Variants in ELAVL4 observed in about 807,000 individuals in gnomAD.
ELAVL4 encodes the protein ELAV like RNA binding protein 4.
ELAVL4 carries 1 observed loss-of-function variant against 35.6 expected under a neutral mutation model. The observed-to-expected ratio is 0.03, with a 90% confidence interval of 0.01 to 0.13. The LOEUF (loss-of-function observed/expected upper bound fraction) is 0.13, where lower values mean the gene tolerates loss of function less well. Among genes scored for constraint, ELAVL4 ranks in the 10% least tolerant of loss-of-function variants. ELAVL4 has a pLI of 1.00. For missense variants in ELAVL4, 267 were observed against 464.9 expected (o/e 0.57, Z 3.91); for synonymous variants, 156 against 171.0 (o/e 0.91, Z 0.69).
intron 1 of ELAVL4, among the ~76,000 whole-genome samples, chr1:50,061,684 G>C (rs904583110): frequency 1.3e-5 from 2 of 152,178 alleles, no homozygotes; most frequent in Admixed American, 1.3e-4. Context: ...TGTAGGCCAT[G>C]CTTTTGCTGG....
chr1:50,194,536 T>G (rs771858203), intron 4 of ELAVL4, among the ~76,000 whole-genome samples: 4 of 152,174 alleles, frequency 2.6e-5, no homozygotes, highest in Admixed American at 6.5e-5. Flanking sequence ...TGATTCCAAT[T>G]TAGAACTCAC....
At chr1:50,132,211 A>G (rs892080946) in intron 1 of ELAVL4, among the ~76,000 whole-genome samples, 1 of 152,190 alleles carries the variant, frequency 6.6e-6, no homozygotes, top group Non-Finnish European at 1.5e-5. Flanking sequence ...AAAGCGTGGT[A>G]TGGAATGCCA....
At chr1:50,095,683 A>C (rs144738033) in intron 1 of ELAVL4, among the ~76,000 whole-genome samples, 1 of 152,214 alleles carries the variant, frequency 6.6e-6, no homozygotes, top group Non-Finnish European at 1.5e-5. Context: ...TATGGGCTAC[A>C]ATATCAGCAG....
chr1:50,167,790 C>T (rs1054997849), intron 2 of ELAVL4, among the ~76,000 whole-genome samples: 12 of 152,186 alleles, frequency 7.9e-5, no homozygotes, highest in Non-Finnish European at 1.2e-4. Context: ...GCTGAAGTTA[C>T]CCATTGGTGA....
chr1:50,050,913 T>C (rs1160133360), intron 1 of ELAVL4, among the ~76,000 whole-genome samples: 2 of 152,168 alleles, frequency 1.3e-5, no homozygotes, highest in Non-Finnish European at 2.9e-5. Flanking sequence ...ACCAGGCACA[T>C]GGTAAATACT....
At chr1:50,190,633 T>G (rs1328393528) in intron 3 of ELAVL4, among the ~76,000 whole-genome samples, 1 of 152,206 alleles carries the variant, frequency 6.6e-6, no homozygotes, top group Non-Finnish European at 1.5e-5. Flanking sequence ...TCTCTGGAGA[T>G]GTGTTGCAGT....
chr1:50,116,977 T>G (rs1441996136), intron 1 of ELAVL4, among the ~76,000 whole-genome samples: 1 of 152,128 alleles, frequency 6.6e-6, no homozygotes, highest in Non-Finnish European at 1.5e-5. Context: ...TTATGAATAA[T>G]ATTGGGAAAG....
At chr1:50,122,693 T>C (rs1225097235) in intron 1 of ELAVL4, among the ~76,000 whole-genome samples, 1 of 152,056 alleles carries the variant, frequency 6.6e-6, no homozygotes, top group Non-Finnish European at 1.5e-5. Context: ...ACATTTTCCA[T>C]CTTAGTGTGA....
intron 2 of ELAVL4, among the ~76,000 whole-genome samples, chr1:50,154,781 TG>T (rs1675424130): frequency 6.6e-6 from 1 of 151,872 alleles, no homozygotes; most frequent in African/African-American, 2.4e-5. Flanking sequence ...TGTGTGTGTG[TG>T]TGTTTGTCCT....
chr1:50,202,919 G>A lies in ELAVL4; in HGVS notation c.*1741G>A, dbSNP rs1644442753. On this transcript the variant is annotated 3_prime_UTR_variant, in exon 7 of 7. Transcript: ENST00000371824. ...TCTTTATTTTAATGTAACTCAGATTGGGGAAAACAAAACAGAGCTAAGGGA... is the reference window on the plus strand; with the variant it reads ...TCTTTATTTTAATGTAACTCAGATTAGGGAAAACAAAACAGAGCTAAGGGA... 6.6e-6 allele frequency: 1 copy of A among 152,066 alleles called. No homozygotes were observed. The highest frequency in any genetic ancestry group is 2.4e-5 in the African/African-American group (1 of 41,410). 9.4% of individuals were successfully genotyped at this position (152,066 alleles called of 1,614,324 possible).
At chr1:50,130,046 C>T (rs975936136) in intron 1 of ELAVL4, among the ~76,000 whole-genome samples, 1 of 152,116 alleles carries the variant, frequency 6.6e-6, no homozygotes, top group Non-Finnish European at 1.5e-5. Context: ...GGTGGATTTC[C>T]AACCCAAGTC....
chr1:50,109,016 C>CGGGGGGGGGGGGGGGGGGGGG lies in ELAVL4; in HGVS notation c.-174_-173insGGGGGGGGGGGGGGGGGGGGG. ...CTCCTTTTCTTTTTTTTCTTTCTCT[C>CGGGGGGGGGGGGGGGGGGGGG]CCCCGCCCACCCCCCCAAAAATAAT... On this transcript the variant is annotated 5_prime_UTR_variant, in exon 1 of 7. Transcript: ENST00000371824. 1 of 905,782 alleles carries CGGGGGGGGGGGGGGGGGGGGG rather than the reference C, an allele frequency of 1.1e-6. No homozygotes were observed. Among genetic ancestry groups the CGGGGGGGGGGGGGGGGGGGGG allele is most frequent in the Non-Finnish European group, 1.3e-6 (1 of 761,400 alleles). The allele number at this position is 905,782 out of a possible 1,614,324, so 56.1% of individuals were successfully genotyped here.
chr1:50,053,451 C>A (rs1339752161), intron 1 of ELAVL4, among the ~76,000 whole-genome samples: 2 of 152,166 alleles, frequency 1.3e-5, no homozygotes, highest in Non-Finnish European at 2.9e-5. Flanking sequence ...TGGGCTCAAG[C>A]AATCCTTCAA....
intron 1 of ELAVL4, among the ~76,000 whole-genome samples, chr1:50,142,253 G>A (rs917319308): frequency 3.3e-5 from 5 of 152,186 alleles, no homozygotes; most frequent in African/African-American, 1.2e-4. Flanking sequence ...AGGCTAGAGT[G>A]CAGTGGTGCA....
intron 4 of ELAVL4, among the ~76,000 whole-genome samples, chr1:50,194,788 G>A (rs1448489674): frequency 6.6e-6 from 1 of 152,192 alleles, no homozygotes; most frequent in Non-Finnish European, 1.5e-5. Context: ...GCCCCATTGA[G>A]GAGGCAATGT....
intron 1 of ELAVL4, among the ~76,000 whole-genome samples, chr1:50,072,694 C>T (rs932127740): frequency 1.3e-5 from 2 of 152,148 alleles, no homozygotes; most frequent in Non-Finnish European, 2.9e-5. Context: ...AAATCATAAT[C>T]CTGATATAAA....
At chr1:50,092,587 A>G (rs1665543585) in intron 1 of ELAVL4, among the ~76,000 whole-genome samples, 1 of 152,134 alleles carries the variant, frequency 6.6e-6, no homozygotes. Context: ...TTAGTCTTTG[A>G]TTATGTACTC....
upstream of ELAVL4, among the ~76,000 whole-genome samples, chr1:50,100,040 G>A (rs1261378871): frequency 2.6e-5 from 4 of 152,126 alleles, no homozygotes; most frequent in Non-Finnish European, 5.9e-5. Context: ...TGTGTAAGTT[G>A]GTATGTTATA....
chr1:50,077,728 C>G (rs1030477252), intron 1 of ELAVL4, among the ~76,000 whole-genome samples: 1 of 152,224 alleles, frequency 6.6e-6, no homozygotes, highest in African/African-American at 2.4e-5. Flanking sequence ...GGAAGTATCA[C>G]TATTGATTCA....
Sources: gnomAD v4.1 joint callset for allele counts (sites outside exome capture counted in the v4.1 genomes callset) on GRCh38, gnomAD v4.1.1 for gene constraint, MANE v1.5 for transcripts, NCBI Gene and HGNC (gene_info 2026-07-23, HGNC 2026-07-21) for gene names.